Variants in CCDC102B observed in about 807,000 individuals in gnomAD.
The protein encoded by CCDC102B is coiled-coil domain-containing protein 102B.
Under a neutral mutation model 57.4 loss-of-function variants are expected in CCDC102B, and 75 were observed. The ratio of observed to expected loss-of-function variants is 1.31; its 90% CI spans 1.08 to 1.58. The LOEUF (loss-of-function observed/expected upper bound fraction) is 1.58. Among genes scored for constraint, CCDC102B ranks in the 40% most tolerant of loss-of-function variants. The probability of loss-of-function intolerance (pLI) is 0.00; values close to 1 mark genes in which losing one functional copy is unlikely to be tolerated. For synonymous variants in CCDC102B, 206 were observed against 201.9 expected, an observed-to-expected ratio of 1.02 and a Z score of -0.17; for missense variants, 636 against 582.6, an observed-to-expected ratio of 1.09 and a Z score of -0.94.
intron 6 of CCDC102B, among the ~76,000 whole-genome samples, chr18:68,913,310 C>CTGTGTGTGTG (rs57064090): frequency 0.12 from 16,205 of 135,404 alleles, 1,219 homozygotes; most frequent in African/African-American, 0.18. Flanking sequence ...TGGTTAGTGT[C>CTGTGTGTGTG]TGTGTGTGTG....
intron 6 of CCDC102B, among the ~76,000 whole-genome samples, chr18:68,935,600 C>T (rs373545572): frequency 2.0e-5 from 3 of 151,816 alleles, no homozygotes. Flanking sequence ...GTAAACTGGG[C>T]GTCTTCAGCT....
intron 2 of CCDC102B, among the ~76,000 whole-genome samples, chr18:68,787,754 T>G (rs1404330678): frequency 2.4e-4 from 36 of 151,158 alleles, no homozygotes; most frequent in African/African-American, 8.0e-4. Flanking sequence ...GGTCTATCAA[T>G]TTTGTTGATC....
In CCDC102B at chr18:69,054,303, A is replaced by T; in HGVS notation, c.*166A>T. The T allele has an allele frequency of 2.7e-5, 35 of 1,307,254 alleles. No individual in the cohort carries two copies. Among genetic ancestry groups the T allele is most frequent in the Non-Finnish European group, 2.9e-5 (30 of 1,033,458 alleles). 81.0% of individuals were successfully genotyped at this position (1,307,254 alleles called of 1,614,324 possible). On this transcript the variant is annotated 3_prime_UTR_variant, in exon 8 of 8. Transcript: ENST00000360242. ...TCTTCACTTCTTCTAATTTTTGCCT[A>T]ACAGATACTGCATATTCTCAAAAAG... is the stretch of plus-strand genomic sequence containing the variant.
chr18:69,011,391 TG>T (rs1437980324), intron 7 of CCDC102B, among the ~76,000 whole-genome samples: 2 of 151,862 alleles, frequency 1.3e-5, no homozygotes, highest in Middle Eastern at 3.2e-3. Flanking sequence ...TGTGTGTGTG[TG>T]TGTTTAAATA....
chr18:68,986,530 A>G (rs770773142), intron 6 of CCDC102B, among the ~76,000 whole-genome samples: 5 of 152,168 alleles, frequency 3.3e-5, no homozygotes, highest in Non-Finnish European at 7.4e-5. Flanking sequence ...CTTACTGCCA[A>G]CACCATACTG....
intron 4 of CCDC102B, among the ~76,000 whole-genome samples, chr18:68,869,128 C>A (rs2039129716): frequency 1.3e-5 from 2 of 151,996 alleles, no homozygotes; most frequent in South Asian, 4.2e-4. Flanking sequence ...GAATTTGGTT[C>A]TGAATATGTT....
chr18:68,945,457 C>T (rs1358955763), intron 6 of CCDC102B, among the ~76,000 whole-genome samples: 1 of 152,036 alleles, frequency 6.6e-6, no homozygotes, highest in Non-Finnish European at 1.5e-5. Context: ...ATTCTCTACG[C>T]CTGCCTATGA....
chr18:68,953,549 G>GTT (rs34724147), intron 6 of CCDC102B, among the ~76,000 whole-genome samples: 73 of 150,060 alleles, frequency 4.9e-4, no homozygotes, highest in African/African-American at 1.4e-3. Flanking sequence ...TTTAGTAGCG[G>GTT]TTTTTTTTTC....
chr18:68,887,261 C>T (rs1159505192), intron 5 of CCDC102B, among the ~76,000 whole-genome samples: 1 of 152,054 alleles, frequency 6.6e-6, no homozygotes, highest in Non-Finnish European at 1.5e-5. Flanking sequence ...TGAGGTGGAG[C>T]ATTCAGGTAA....
chr18:68,913,655 A>G (rs1465117539), intron 6 of CCDC102B, among the ~76,000 whole-genome samples: 4 of 44,368 alleles, frequency 9.0e-5, no homozygotes, highest in Non-Finnish European at 1.8e-4. Flanking sequence ...ACTCGGTCTC[A>G]AAAGAAAAAA....
intron 3 of CCDC102B, among the ~76,000 whole-genome samples, chr18:68,842,840 C>A (rs1317889322): frequency 6.6e-6 from 1 of 152,104 alleles, no homozygotes; most frequent in Non-Finnish European, 1.5e-5. Context: ...GCTATAATGT[C>A]AATTTCCGCT....
intron 6 of CCDC102B, among the ~76,000 whole-genome samples, chr18:68,944,933 T>C (rs1052809931): frequency 1.3e-5 from 2 of 152,052 alleles, no homozygotes; most frequent in African/African-American, 4.8e-5. Context: ...GTGGGCAATC[T>C]CTTGTGATTC....
At chr18:69,012,880 A>G (rs17080074) in intron 7 of CCDC102B, among the ~76,000 whole-genome samples, 6,312 of 152,268 alleles carry the variant, frequency 0.041, 250 homozygotes, top group East Asian at 0.21. Flanking sequence ...TATGGTCATT[A>G]AAATAATTTT....
chr18:68,715,331 G>T, exon 1 of CCDC102B: 2 of 989,190 alleles, frequency 2.0e-6, no homozygotes, highest in Non-Finnish European at 2.6e-6. Flanking sequence ...CCGGGAAGGT[G>T]AATACCGGTG....
intron 2 of CCDC102B, among the ~76,000 whole-genome samples, chr18:68,750,749 T>C (rs2033813523): frequency 7.7e-6 from 1 of 129,644 alleles, no homozygotes; most frequent in African/African-American, 3.0e-5. Flanking sequence ...AATTGAACAA[T>C]GAGAACACTT....
chr18:68,882,334 T>C (rs2144962281), intron 5 of CCDC102B, among the ~76,000 whole-genome samples: 1 of 152,314 alleles, frequency 6.6e-6, no homozygotes, highest in South Asian at 2.1e-4. Context: ...CCTAAGGAAG[T>C]CTTTGATATT....
intron 2 of CCDC102B, among the ~76,000 whole-genome samples, chr18:68,785,169 A>G (rs915057110): frequency 2.1e-4 from 32 of 151,588 alleles, no homozygotes; most frequent in Non-Finnish European, 3.5e-4. Flanking sequence ...ATCCTTTTTT[A>G]TGGCTGCATA....
At chr18:68,808,124 A>G (rs1428935047) in intron 1 of CCDC102B, among the ~76,000 whole-genome samples, 1 of 152,202 alleles carries the variant, frequency 6.6e-6, no homozygotes, top group Admixed American at 6.5e-5. Context: ...TCTCACTATT[A>G]TAAGAAGTAG....
intron 6 of CCDC102B, among the ~76,000 whole-genome samples, chr18:68,914,974 GGAGAGA>G (rs59012789): frequency 8.1e-5 from 12 of 147,466 alleles, no homozygotes; most frequent in Admixed American, 6.1e-4. Context: ...ACTACTGGGG[GGAGAGA>G]GAGAGAGAGA....
Sources: allele counts gnomAD v4.1 joint callset (sites outside exome capture counted in the v4.1 genomes callset), GRCh38; gene constraint gnomAD v4.1.1; transcripts MANE v1.5; gene names NCBI Gene and HGNC (gene_info 2026-07-23, HGNC 2026-07-21).